SMOC2: variants seen among roughly 807,000 people sequenced by gnomAD.
The protein encoded by SMOC2 is SPARC related modular calcium binding 2, also known as SPARC-related modular calcium-binding protein 2.
Under a neutral mutation model 61.4 loss-of-function variants are expected in SMOC2, and 39 were observed. The ratio of observed to expected loss-of-function variants is 0.64; its 90% CI spans 0.49 to 0.83. The LOEUF (loss-of-function observed/expected upper bound fraction) is 0.83. Among genes scored for constraint, SMOC2 ranks in the 40% least tolerant of loss-of-function variants. The probability of loss-of-function intolerance (pLI) is 0.00; values close to 1 mark genes in which losing one functional copy is unlikely to be tolerated. For synonymous variants in SMOC2, 247 were observed against 239.9 expected, an observed-to-expected ratio of 1.03 and a Z score of -0.27; for missense variants, 556 against 592.9, an observed-to-expected ratio of 0.94 and a Z score of 0.65.
chr6:168,504,929 G>A (rs188984336), intron 1 of SMOC2, among the ~76,000 whole-genome samples: 25 of 152,162 alleles, frequency 1.6e-4, no homozygotes, highest in African/African-American at 5.3e-4. Flanking sequence ...GCAAGAAGTC[G>A]AAGACAATAA....
chr6:168,603,461 G>C lies in SMOC2; in HGVS notation c.824+4457G>C, dbSNP rs918311284. On this transcript the variant is annotated intron_variant, in intron 8 of 12. Transcript: ENST00000356284. ...GCTGCTGGGACAGTTTAGCAGAGGA[G>C]TGATACAATCTCTCAACAATCCTGA... is the stretch of plus-strand genomic sequence containing the variant. Among the ~76,000 whole-genome samples, 3 of 151,990 alleles carry C rather than the reference G, an allele frequency of 2.0e-5. No individual in the cohort carries two copies. In the East Asian group the frequency reaches 5.8e-4, roughly 30 times the overall value.
At chr6:168,605,523 G>C (rs1785664511) in intron 8 of SMOC2, among the ~76,000 whole-genome samples, 1 of 152,044 alleles carries the variant, frequency 6.6e-6, no homozygotes, top group South Asian at 2.1e-4. Flanking sequence ...GCAAGTCATG[G>C]GCATTTCACA....
intron 7 of SMOC2, among the ~76,000 whole-genome samples, chr6:168,564,209 C>G (rs1475880289): frequency 6.6e-6 from 1 of 151,936 alleles, no homozygotes; most frequent in African/African-American, 2.4e-5. Flanking sequence ...GATACAAGTC[C>G]TTACCAGATT....
intron 1 of SMOC2, among the ~76,000 whole-genome samples, chr6:168,507,711 T>C (rs1782908304): frequency 1.3e-5 from 2 of 152,272 alleles, no homozygotes; most frequent in Non-Finnish European, 2.9e-5. Flanking sequence ...CTCTGCCCTC[T>C]TTAAGTGAAA....
intron 12 of SMOC2, chr6:168,664,898 T>C: frequency 2.2e-6 from 1 of 449,026 alleles, no homozygotes; most frequent in Non-Finnish European, 4.6e-6. Flanking sequence ...TTATTTTGTC[T>C]GCACCTGTTT....
chr6:168,484,736 A>G (rs1782290197), intron 1 of SMOC2, among the ~76,000 whole-genome samples: 1 of 152,260 alleles, frequency 6.6e-6, no homozygotes. Flanking sequence ...TGTGGTGTAT[A>G]TACATAAAAA....
intron 1 of SMOC2, among the ~76,000 whole-genome samples, chr6:168,466,883 C>T (rs1024721091): frequency 6.6e-6 from 1 of 152,170 alleles, no homozygotes; most frequent in African/African-American, 2.4e-5. Flanking sequence ...AAATCCCAAG[C>T]CGCTTCTCCA....
At chr6:168,589,138 A>G (rs1364664079) in intron 7 of SMOC2, among the ~76,000 whole-genome samples, 4 of 151,532 alleles carry the variant, frequency 2.6e-5, no homozygotes, top group Non-Finnish European at 5.9e-5. Flanking sequence ...AATAGCACCC[A>G]CCAGCCTAAA....
chr6:168,539,982 G>A (rs761368075), intron 4 of SMOC2, among the ~76,000 whole-genome samples: 2 of 152,272 alleles, frequency 1.3e-5, no homozygotes, highest in South Asian at 2.1e-4. Flanking sequence ...GTCCCACCTC[G>A]CAGGGCTGGC....
chr6:168,563,299 G>A (rs9766437), intron 7 of SMOC2, among the ~76,000 whole-genome samples: 2 of 116,836 alleles, frequency 1.7e-5, no homozygotes, highest in Non-Finnish European at 1.8e-5. Flanking sequence ...GTGTGTGTGT[G>A]TATATATATG....
chr6:168,517,745 G>C (rs1783178618), intron 2 of SMOC2, among the ~76,000 whole-genome samples: 1 of 150,346 alleles, frequency 6.7e-6, no homozygotes, highest in Non-Finnish European at 1.5e-5. Context: ...CTTTTCCTCA[G>C]CTGGGGCTGG....
At chr6:168,630,395 T>C (rs908760000) in intron 9 of SMOC2, among the ~76,000 whole-genome samples, 1 of 152,232 alleles carries the variant, frequency 6.6e-6, no homozygotes, top group African/African-American at 2.4e-5. Context: ...GTTGTGAAGA[T>C]TTCATGGACA....
At chr6:168,474,207 C>T (rs1562546326) in intron 1 of SMOC2, among the ~76,000 whole-genome samples, 1 of 152,120 alleles carries the variant, frequency 6.6e-6, no homozygotes, top group African/African-American at 2.4e-5. Context: ...TCCTACAGCT[C>T]GCAGGTTCCT....
At position 168,492,412 on chromosome 6, in the gene SMOC2, C is replaced by T. The variant is rs9456133; in HGVS notation, c.85-17503C>T. ...AAAGGAAGCTCTACCACCTCTCAGC[C>T]TGCTAGCCCTAGGCCAAGGGGCAAA... is the stretch of plus-strand genomic sequence containing the variant. On this transcript the variant is annotated intron_variant, in intron 1 of 12. Coordinates refer to ENST00000356284, the MANE Select transcript of SMOC2 (RefSeq NM_001166412.2). Among the ~76,000 whole-genome samples the T allele has an allele frequency of 9.1e-3, 1,391 of 152,330 alleles. 23 individuals carry two copies. The highest frequency in any genetic ancestry group is 0.032 in the African/African-American group (1,329 of 41,562).
chr6:168,458,717 C>T lies in SMOC2; in HGVS notation c.84+17263C>T, dbSNP rs1353747323. ...GTGCTTGTTCTGTCACGTCCCCCTGCCCTCCAGTTGTGTTTGTGCCATGTT... is the reference window on the plus strand; with the variant it reads ...GTGCTTGTTCTGTCACGTCCCCCTGTCCTCCAGTTGTGTTTGTGCCATGTT... On this transcript the variant is annotated intron_variant, in intron 1 of 12. Coordinates refer to ENST00000356284, the MANE Select transcript of SMOC2 (RefSeq NM_001166412.2). Among the ~76,000 whole-genome samples, 3 of 152,148 alleles carry T rather than the reference C, an allele frequency of 2.0e-5. No homozygotes were observed. In the East Asian group the frequency reaches 5.8e-4, roughly 29 times the overall value.
rs1391455565 is a variant in SMOC2 at position 168,599,280 on chromosome 6, ACACC to A, written c.824+280_824+283del. On this transcript the variant is annotated intron_variant, in intron 8 of 12. Coordinates refer to ENST00000356284, the MANE Select transcript of SMOC2 (RefSeq NM_001166412.2). ...TACCCACACACACCCACGCTCTCAC[ACACC>A]CACACACACACATACCACACACACA... 3.7e-4 allele frequency among the ~76,000 whole-genome samples: 44 copies of A among 117,680 alleles called. No homozygotes were observed. The South Asian group carries it at 7.5e-3, about 20-fold the overall frequency. 77.2% of individuals were successfully genotyped at this position (117,680 alleles called of 152,430 possible).
chr6:168,530,236 C>T (rs541121555), intron 4 of SMOC2, among the ~76,000 whole-genome samples: 2 of 152,248 alleles, frequency 1.3e-5, no homozygotes, highest in Non-Finnish European at 2.9e-5. Flanking sequence ...AAACGGGGCT[C>T]CACTGACTGG....
intron 1 of SMOC2, among the ~76,000 whole-genome samples, chr6:168,468,237 G>T (rs1323428179): frequency 1.3e-5 from 2 of 152,190 alleles, no homozygotes; most frequent in Non-Finnish European, 2.9e-5. Context: ...GGCGCTGCGG[G>T]TTCTTTGCTT....
intron 9 of SMOC2, among the ~76,000 whole-genome samples, chr6:168,632,335 A>C (rs1244397700): frequency 1.3e-5 from 2 of 152,350 alleles, no homozygotes; most frequent in African/African-American, 4.8e-5. Flanking sequence ...GCCAAGAATC[A>C]ACAACTTTGC....
Sources: allele counts gnomAD v4.1 joint callset (sites outside exome capture counted in the v4.1 genomes callset), GRCh38; gene constraint gnomAD v4.1.1; transcripts MANE v1.5; gene names NCBI Gene and HGNC (gene_info 2026-07-23, HGNC 2026-07-21).